OXCT1: variants seen among roughly 807,000 people sequenced by gnomAD.
OXCT1 encodes 3-oxoacid CoA-transferase 1.
A neutral mutation model predicts 69.6 loss-of-function variants in OXCT1; 27 were observed. The observed-to-expected ratio is 0.39, with a 90% CI of 0.29 to 0.54. The LOEUF is 0.54. Ranked by LOEUF, OXCT1 falls within the 20% of genes least tolerant of loss-of-function variation. The pLI is 0.72. For synonymous variants in OXCT1, 202 were observed against 217.8 expected (o/e 0.93, Z 0.64); for missense variants, 437 against 650.2 (o/e 0.67, Z 3.57).
At chr5:41,741,964 T>C (rs1743191004) in intron 15 of OXCT1, among the ~76,000 whole-genome samples, 1 of 152,196 alleles carries the variant, frequency 6.6e-6, no homozygotes, top group South Asian at 2.1e-4. Context: ...TGGAGCACTA[T>C]TCATATGATT....
intron 15 of OXCT1, among the ~76,000 whole-genome samples, chr5:41,743,949 A>T (rs1743331673): frequency 6.6e-6 from 1 of 152,010 alleles, no homozygotes; most frequent in Non-Finnish European, 1.5e-5. Flanking sequence ...CTTAGTATTG[A>T]CTTGGAAATG....
At chr5:41,795,971 T>C (rs1027688580) in intron 11 of OXCT1, among the ~76,000 whole-genome samples, 8 of 152,170 alleles carry the variant, frequency 5.3e-5, no homozygotes, top group Non-Finnish European at 2.9e-5. Flanking sequence ...CGACTTTTCA[T>C]CTCTCTCCCC....
intron 2 of OXCT1, 35 bp from the exon 3 acceptor site, chr5:41,861,439 G>C (rs1244092470): frequency 8.5e-7 from 1 of 1,180,006 alleles, no homozygotes; most frequent in Non-Finnish European, 1.3e-6. Context: ...AATTTGTAAA[G>C]GGGGTAACAA....
In OXCT1 at chr5:41,762,202, T is replaced by C; in HGVS notation, c.1249-2A>G. 1 of 1,609,766 alleles carries C rather than the reference T, an allele frequency of 6.2e-7. No individual in the cohort carries two copies. Reference sequence around the variant, plus strand: ...TCCCATTCCTTTCACCATCTTCCCCTGCAAAACAAAAAATAAATAGCTCTG... The same window carrying C: ...TCCCATTCCTTTCACCATCTTCCCCCGCAAAACAAAAAATAAATAGCTCTG... On this transcript the variant is annotated splice_acceptor_variant, in intron 13 of 16. Transcript: ENST00000196371. LOFTEE classifies it high-confidence loss of function. This position sits in a 1 kb window ranked among gnomAD's most constrained non-coding sequence, Gnocchi z 4.0.
rs1746095027 is a variant in OXCT1 at position 41,794,760 on chromosome 5, A to G, written c.1100-11T>C. On this transcript the variant is annotated splice_polypyrimidine_tract_variant and intron_variant, in intron 11 of 16. Coordinates refer to ENST00000196371, the MANE Select transcript of OXCT1 (RefSeq NM_000436.4). ...TAACTGTTTCCTTGCCTAAACACACACACACACAAAAGAAAGAAAAGGCTA... is the reference window on the plus strand; with the variant it reads ...TAACTGTTTCCTTGCCTAAACACACGCACACACAAAAGAAAGAAAAGGCTA... The G allele has an allele frequency of 6.2e-7, 1 of 1,612,502 alleles. No individual in the cohort carries two copies. Among genetic ancestry groups the G allele is most frequent in the South Asian group, 1.1e-5 (1 of 91,076 alleles).
chr5:41,867,303 G>C (rs1287004400), intron 1 of OXCT1, among the ~76,000 whole-genome samples: 4 of 152,042 alleles, frequency 2.6e-5, no homozygotes, highest in Non-Finnish European at 5.9e-5. Context: ...CAAAATACTG[G>C]GGCTACAAAG....
At chr5:41,752,059 G>A (rs1389217224) in intron 14 of OXCT1, among the ~76,000 whole-genome samples, 1 of 152,148 alleles carries the variant, frequency 6.6e-6, no homozygotes, top group Admixed American at 6.6e-5. Context: ...TGCTATGGCA[G>A]CTGCATATAT....
At chr5:41,775,544 T>C (rs1445738956) in intron 13 of OXCT1, among the ~76,000 whole-genome samples, 2 of 152,178 alleles carry the variant, frequency 1.3e-5, no homozygotes, top group African/African-American at 4.8e-5. Context: ...CTTAGAATCC[T>C]GTCGTTCAGG....
intron 7 of OXCT1, among the ~76,000 whole-genome samples, chr5:41,827,840 A>G (rs1480011527): frequency 6.6e-6 from 1 of 152,204 alleles, no homozygotes; most frequent in Non-Finnish European, 1.5e-5. Context: ...GGAAAAAAAG[A>G]GTAATCAGCC....
intron 4 of OXCT1, 95 bp from the exon 5 acceptor site, chr5:41,850,274 T>C (rs1400950201): frequency 7.3e-7 from 1 of 1,377,188 alleles, no homozygotes; most frequent in Non-Finnish European, 1.0e-6. Flanking sequence ...TCTAGAGGCT[T>C]ATAATTCTAA....
At chr5:41,773,721 G>C (rs1744993168) in intron 13 of OXCT1, among the ~76,000 whole-genome samples, 1 of 150,900 alleles carries the variant, frequency 6.6e-6, no homozygotes, top group South Asian at 2.1e-4. Flanking sequence ...AGCATATATA[G>C]GAATATACAA....
intron 15 of OXCT1, among the ~76,000 whole-genome samples, chr5:41,741,266 T>C (rs1225809529): frequency 6.6e-6 from 1 of 152,132 alleles, no homozygotes; most frequent in Non-Finnish European, 1.5e-5. Flanking sequence ...AATTTTTCAA[T>C]TGGCTTGGAA....
intron 14 of OXCT1, among the ~76,000 whole-genome samples, chr5:41,761,283 T>C (rs1579679006): frequency 6.6e-6 from 1 of 152,232 alleles, no homozygotes; most frequent in East Asian, 1.9e-4. Flanking sequence ...CCAGGTCTAA[T>C]CAGAGTTCTA....
At chr5:41,820,115 A>G (rs768149401) in intron 7 of OXCT1, among the ~76,000 whole-genome samples, 26 of 152,226 alleles carry the variant, frequency 1.7e-4, no homozygotes, top group Admixed American at 6.5e-4. Flanking sequence ...AATAATAGTG[A>G]CATTCCCATT....
At chr5:41,801,139 T>TATGTG in intron 10 of OXCT1, 69 bp from the exon 11 acceptor site, 3 of 1,172,506 alleles carry the variant, frequency 2.6e-6, no homozygotes, top group Non-Finnish European at 3.8e-6. Context: ...AGAACTATAA[T>TATGTG]ATAAATAACT....
intron 14 of OXCT1, among the ~76,000 whole-genome samples, chr5:41,755,078 C>T (rs1743994130): frequency 6.6e-6 from 1 of 152,006 alleles, no homozygotes; most frequent in Non-Finnish European, 1.5e-5. Flanking sequence ...GCAGGAATTA[C>T]TTTCTCTTTT....
intron 13 of OXCT1, among the ~76,000 whole-genome samples, chr5:41,771,768 T>C (rs1385869895): frequency 3.3e-5 from 5 of 152,216 alleles, no homozygotes; most frequent in Non-Finnish European, 5.9e-5. Context: ...TGGGCCTGTA[T>C]ACTACCCAGA....
intron 2 of OXCT1, 152 bp downstream of exon 2, chr5:41,862,490 C>A: frequency 1.8e-6 from 1 of 565,716 alleles, no homozygotes; most frequent in Non-Finnish European, 3.2e-6. Flanking sequence ...AGGAAGGAGA[C>A]ACTAATAAAA....
At chr5:41,772,362 C>CA (rs560834066) in intron 13 of OXCT1, among the ~76,000 whole-genome samples, 1,587 of 118,634 alleles carry the variant, frequency 0.013, 18 homozygotes, top group African/African-American at 0.04. Flanking sequence ...TTAAAAAAAA[C>CA]AAAAAAAAAA....
Sources: allele counts gnomAD v4.1 joint callset (sites outside exome capture counted in the v4.1 genomes callset), GRCh38; gene constraint gnomAD v4.1.1; non-coding constraint Gnocchi (gnomAD v3.1); transcripts MANE v1.5; gene names NCBI Gene and HGNC (gene_info 2026-07-23, HGNC 2026-07-21).